ZNF286A: variants seen among roughly 807,000 people sequenced by gnomAD.
ZNF286A encodes the protein zinc finger protein ZNF286.
Under a neutral mutation model 49.3 loss-of-function variants are expected in ZNF286A, and 34 were observed. That is an observed-to-expected ratio of 0.69 (90% CI 0.52 to 0.92). ZNF286A has a LOEUF of 0.92. Among genes scored for constraint, ZNF286A ranks in the 40% least tolerant of loss-of-function variants. The pLI, the probability that ZNF286A is intolerant of heterozygous loss-of-function variation, is 0.00. For synonymous variants in ZNF286A, 155 were observed against 200.4 expected (o/e 0.77, Z 1.91); for missense variants, 462 against 600.2 (o/e 0.77, Z 2.41).
At chr17:15,711,578 C>T (rs1334463319) in intron 5 of ZNF286A, 1 of 152,202 alleles carries the variant, frequency 6.6e-6, no homozygotes, top group East Asian at 1.9e-4. Flanking sequence ...AAAGGAGTGG[C>T]TCTAGCTCAA....
At chr17:15,715,597 G>A (rs1466776158) in intron 5 of ZNF286A, among the ~76,000 whole-genome samples, 1 of 152,026 alleles carries the variant, frequency 6.6e-6, no homozygotes, top group Non-Finnish European at 1.5e-5. Flanking sequence ...AGCATTGTTA[G>A]GAAGATTAAA....
chr17:15,716,306 C>T lies in ZNF286A; in HGVS notation c.582C>T (p.Tyr194=). 1 of 1,613,842 alleles carries T rather than the reference C, an allele frequency of 6.2e-7. No homozygotes were observed. The highest frequency in any genetic ancestry group is 8.5e-7 in the Non-Finnish European group (1 of 1,179,816). ...AAACAGACCATAAGCATGATGTATA[C>T]TGGAAAAGCTTCAATCAGAAATCTG... ...SEETDHKHDV[Y]WKSFNQKSVL... The change falls in exon 6 of 6, where the codon TAC becomes TAT. Residue 194 remains tyrosine, a synonymous_variant. Coordinates refer to ENST00000583566, the MANE Select transcript of ZNF286A (RefSeq NM_001130842.2).
chr17:15,708,205 C>A lies in ZNF286A; in HGVS notation c.292C>A (p.Pro98Thr). The change falls in exon 5 of 6, where the codon CCA becomes ACA. Residue 98 changes from proline (P) to threonine (T), a missense_variant. Physicochemically the swap from Pro to Thr is conservative, Grantham distance 38. Around this residue, in one of 3 missense-constraint regions of ZNF286A, gnomAD observed 259 missense variants for 272.2 expected, o/e 0.95. Coordinates refer to ENST00000583566, the MANE Select transcript of ZNF286A (RefSeq NM_001130842.2). The part of the protein sequence containing the change: ...ESYNLENGKE[P>T]LKLERKAPKS... The stretch of plus-strand genomic sequence containing the variant: ...CTACAACTTGGAGAATGGAAAAGAA[C>A]CATTGAAGCTTGAGAGAAAAGCCCC... The A allele has an allele frequency of 6.3e-7, 1 of 1,595,548 alleles. No individual in the cohort carries two copies. The highest frequency in any genetic ancestry group is 8.5e-7 in the Non-Finnish European group (1 of 1,171,228).
intron 5 of ZNF286A, among the ~76,000 whole-genome samples, chr17:15,708,620 G>T (rs547826805): frequency 1.3e-5 from 2 of 152,126 alleles, no homozygotes; most frequent in Non-Finnish European, 2.9e-5. Flanking sequence ...CCTGTTTCAG[G>T]ACCCTCCCTT....
intron 4 of ZNF286A, among the ~76,000 whole-genome samples, chr17:15,707,891 C>G (rs554959999): frequency 2.0e-5 from 3 of 152,272 alleles, no homozygotes; most frequent in Non-Finnish European, 2.9e-5. Context: ...TGGCTCACAC[C>G]TGTAATCCCA....
rs1319672882 is a variant in ZNF286A, at chr17:15,719,265, A to G, written c.*1975A>G. On this transcript the variant is annotated 3_prime_UTR_variant, in exon 6 of 6. Coordinates refer to ENST00000583566, the MANE Select transcript of ZNF286A (RefSeq NM_001130842.2). ...AAACTGTGGCCTGGACTCATGGACCAACTCTGGCCCACCACCTGTTTCTCA... is the reference window on the plus strand; with the variant it reads ...AAACTGTGGCCTGGACTCATGGACCGACTCTGGCCCACCACCTGTTTCTCA... 2 of 133,270 alleles carry G rather than the reference A, an allele frequency of 1.5e-5. No homozygotes were observed. The highest frequency in any genetic ancestry group is 2.9e-5 in the African/African-American group (1 of 34,414). The allele number at this position is 133,270 out of a possible 1,614,324, so 8.3% of individuals were successfully genotyped here.
At chr17:15,701,652 A>G (rs543779271) in intron 3 of ZNF286A, among the ~76,000 whole-genome samples, 1 of 152,380 alleles carries the variant, frequency 6.6e-6, no homozygotes, top group Non-Finnish European at 1.5e-5. Flanking sequence ...TGTAAAAATA[A>G]TAAATACTCA....
In ZNF286A at chr17:15,701,195, A is replaced by C; in HGVS notation, c.81A>C (p.Thr27=). ...QDSPHFQEKS[T]EEGEVAALRL... ...CTCCCCATTTCCAAGAGAAGAGCAC[A>C]GAAGAGGGAGAAGTGGCTGCTCTGC... Residue 27 remains threonine, a synonymous_variant, in exon 3 of 6, where the codon ACA becomes ACC. Transcript: ENST00000583566. 1 of 1,614,156 alleles carries C rather than the reference A, an allele frequency of 6.2e-7. No homozygotes were observed.
At chr17:15,703,704 G>A (rs1170784876) in intron 3 of ZNF286A, among the ~76,000 whole-genome samples, 1 of 152,104 alleles carries the variant, frequency 6.6e-6, no homozygotes, top group Non-Finnish European at 1.5e-5. Context: ...GGCCTATTCT[G>A]TATATAGGAT....
chr17:15,715,894 T>C lies in ZNF286A; in HGVS notation c.335-165T>C, dbSNP rs189010048. On this transcript the variant is annotated intron_variant, in intron 5 of 5. Transcript: ENST00000583566. Reference sequence around the variant, plus strand: ...TTATTTTCTCTGCATAGTCTGAGCATTTGTTTCCCTCCATTTGTTTCTCTT... The same window carrying C: ...TTATTTTCTCTGCATAGTCTGAGCACTTGTTTCCCTCCATTTGTTTCTCTT... The C allele has an allele frequency of 8.2e-3, 12,232 of 1,484,956 alleles. 70 individuals carry two copies. The highest frequency in any genetic ancestry group is 9.9e-3 in the Non-Finnish European group (11,072 of 1,116,576). 92.0% of individuals were successfully genotyped at this position (1,484,956 alleles called of 1,614,324 possible). A position where few individuals can be genotyped will look rare whatever the true frequency, so the allele number is the denominator to read the frequency against.
intron 3 of ZNF286A, chr17:15,704,994 C>T: frequency 1.1e-6 from 1 of 945,608 alleles, no homozygotes; most frequent in African/African-American, 1.8e-5. Flanking sequence ...GCCGCTGCGG[C>T]CCTGGAGAGG....
In ZNF286A at chr17:15,719,064, C is replaced by T. The variant is rs1452441059; in HGVS notation, c.*1774C>T. On this transcript the variant is annotated 3_prime_UTR_variant, in exon 6 of 6. Transcript: ENST00000583566. ...TGGTCCAGTCACCTTGCACCAGGCC[C>T]CACCTCCCACATTGGGGATTACAAT... 1.0e-4 allele frequency: 12 copies of T among 120,156 alleles called. No individual in the cohort carries two copies. Among genetic ancestry groups the T allele is most frequent in the South Asian group, 9.4e-4 (3 of 3,196 alleles). The allele number at this position is 120,156 out of a possible 1,614,324, so 7.4% of individuals were successfully genotyped here.
intron 4 of ZNF286A, 97 bp downstream of exon 4, chr17:15,706,598 G>A: frequency 1.2e-5 from 10 of 868,432 alleles, no homozygotes; most frequent in Admixed American, 2.7e-5. Flanking sequence ...TTGCATTCAG[G>A]AGTCAAAAAG....
chr17:15,707,418 TG>T (rs1990320040), intron 4 of ZNF286A, among the ~76,000 whole-genome samples: 1 of 147,456 alleles, frequency 6.8e-6, no homozygotes, highest in Non-Finnish European at 1.5e-5. Context: ...CCAGCCTTTT[TG>T]TAAGACTCTG....
chr17:15,704,619 G>C lies in ZNF286A; in HGVS notation c.127-1768G>C, dbSNP rs188520514. ...AGTCCCTCTTGAGCACGTTGACGCA[G>C]ATCTCGCCATTGGCGCCCACGTTCG... On this transcript the variant is annotated intron_variant, in intron 3 of 5. Coordinates refer to ENST00000583566, the MANE Select transcript of ZNF286A (RefSeq NM_001130842.2). 2.0e-3 allele frequency: 3,287 copies of C among 1,613,972 alleles called. 11 individuals carry two copies. The highest frequency in any genetic ancestry group is 0.014 in the African/African-American group (1,016 of 75,034).
At position 15,720,654 on chromosome 17, in the gene ZNF286A, CAT is replaced by C. The variant is rs1224108634; in HGVS notation, c.*3365_*3366del. ...TTTATGCCTGATGTTTAACCTGCCA[CAT>C]GTTTGTACTGCAACATGAATCTTGG... On this transcript the variant is annotated 3_prime_UTR_variant, in exon 6 of 6. Transcript: ENST00000583566. The C allele has an allele frequency of 6.8e-6, 1 of 146,548 alleles. No homozygotes were observed. Among genetic ancestry groups the C allele is most frequent in the Non-Finnish European group, 1.5e-5 (1 of 67,000 alleles). 9.1% of individuals were successfully genotyped at this position (146,548 alleles called of 1,614,324 possible).
At chr17:15,708,468 T>C (rs573250341) in intron 5 of ZNF286A, 1 of 379,158 alleles carries the variant, frequency 2.6e-6, no homozygotes, top group African/African-American at 2.1e-5. Flanking sequence ...TTTGCCTCTT[T>C]TCTTTCTTCC....
chr17:15,706,292 G>T, intron 3 of ZNF286A, 95 bp from the exon 4 acceptor site: 1 of 878,838 alleles, frequency 1.1e-6, no homozygotes. Context: ...CCTCTTAAGT[G>T]CATCTCAGGC....
intron 3 of ZNF286A, 72 bp from the exon 4 acceptor site, chr17:15,706,315 G>A (rs1990221999): frequency 7.8e-7 from 1 of 1,280,524 alleles, no homozygotes; most frequent in Non-Finnish European, 1.1e-6. Flanking sequence ...TTGCTCCAGG[G>A]CCAGCAGAAA....
Sources: gnomAD v4.1 joint callset for allele counts (sites outside exome capture counted in the v4.1 genomes callset) on GRCh38, gnomAD v4.1.1 for gene constraint, gnomAD v4.1.1 regional missense constraint, MANE v1.5 for transcripts, NCBI Gene and HGNC (gene_info 2026-07-23, HGNC 2026-07-21) for gene names.